PGPEP1L: variants seen among roughly 807,000 people sequenced by gnomAD.
PGPEP1L encodes pyroglutamyl-peptidase 1-like protein.
A neutral mutation model predicts 6.0 loss-of-function variants in PGPEP1L; 7 were observed. The ratio of observed to expected loss-of-function variants is 1.17; its 90% CI spans 0.66 to 2.19. PGPEP1L has a LOEUF of 2.19. Ranked by LOEUF, PGPEP1L falls within the 30% of genes most tolerant of loss-of-function variation. The probability of loss-of-function intolerance (pLI) is 0.00; values close to 1 mark genes in which losing one functional copy is unlikely to be tolerated. For missense variants in PGPEP1L, 209 were observed against 192.5 expected (o/e 1.09, Z -0.51); for synonymous variants, 103 against 83.9 (o/e 1.23, Z -1.24).
chr15:98,971,481 T>A (rs979293271), intron 2 of PGPEP1L, among the ~76,000 whole-genome samples: 2 of 151,812 alleles, frequency 1.3e-5, no homozygotes, highest in East Asian at 1.9e-4. Context: ...GTGACAGAGC[T>A]AGACTCTGTT....
At chr15:98,978,155 C>A (rs531007330) in intron 2 of PGPEP1L, among the ~76,000 whole-genome samples, 1 of 152,198 alleles carries the variant, frequency 6.6e-6, no homozygotes, top group African/African-American at 2.4e-5. Flanking sequence ...GTTCATTAGT[C>A]CCTGTCTAGA....
At chr15:99,002,137 G>A (rs137973352) in intron 2 of PGPEP1L, among the ~76,000 whole-genome samples, 1 of 151,934 alleles carries the variant, frequency 6.6e-6, no homozygotes, top group African/African-American at 2.4e-5. Flanking sequence ...TCAGCCTCCC[G>A]AGTAGCTGGG....
chr15:98,987,801 G>A (rs2017768148), intron 2 of PGPEP1L, among the ~76,000 whole-genome samples: 1 of 152,116 alleles, frequency 6.6e-6, no homozygotes, highest in Admixed American at 6.5e-5. Flanking sequence ...ATCTCATTGG[G>A]ACTGGCTGGA....
At chr15:99,004,567 A>G (rs2018020718) in intron 2 of PGPEP1L, among the ~76,000 whole-genome samples, 1 of 151,768 alleles carries the variant, frequency 6.6e-6, no homozygotes, top group South Asian at 2.1e-4. Context: ...AAAATACAAA[A>G]ATTAGCTGGG....
intron 2 of PGPEP1L, among the ~76,000 whole-genome samples, chr15:99,000,153 AG>A (rs782647270): frequency 1.1e-4 from 16 of 152,346 alleles, no homozygotes; most frequent in Non-Finnish European, 1.9e-4. Flanking sequence ...GTGGCCGGCC[AG>A]CCCCGCCGGC....
intron 2 of PGPEP1L, among the ~76,000 whole-genome samples, chr15:99,003,648 G>A (rs2018006455): frequency 6.6e-6 from 1 of 151,394 alleles, no homozygotes. Flanking sequence ...TGAAGAGACT[G>A]CCCCTGGCAG....
intron 2 of PGPEP1L, chr15:99,001,342 C>T (rs1415569590): frequency 1.3e-5 from 3 of 224,302 alleles, no homozygotes; most frequent in Non-Finnish European, 2.8e-5. Context: ...TATGAAATGT[C>T]AGAAGAGGCA....
chr15:98,986,163 G>A (rs985878340), intron 2 of PGPEP1L, among the ~76,000 whole-genome samples: 1 of 152,178 alleles, frequency 6.6e-6, no homozygotes, highest in Non-Finnish European at 1.5e-5. Flanking sequence ...CCTAGTTCCA[G>A]GCACAGAGCT....
At chr15:99,000,805 A>AG (rs1302275368) in intron 2 of PGPEP1L, among the ~76,000 whole-genome samples, 12 of 152,172 alleles carry the variant, frequency 7.9e-5, no homozygotes, top group East Asian at 3.9e-4. Flanking sequence ...GCCAGATAAG[A>AG]GAAAAAAAAG....
chr15:99,000,528 G>A (rs1337815046), intron 2 of PGPEP1L, among the ~76,000 whole-genome samples: 3 of 152,168 alleles, frequency 2.0e-5, no homozygotes, highest in Admixed American at 1.3e-4. Context: ...ACACCAATCG[G>A]CACTCTGTAT....
intron 3 of PGPEP1L, 101 bp downstream of exon 3, chr15:98,970,935 G>A: frequency 6.6e-7 from 1 of 1,518,214 alleles, no homozygotes; most frequent in Non-Finnish European, 8.9e-7. Context: ...TGGGGACGGG[G>A]TGCCCCTCAA....
intron 1 of PGPEP1L, among the ~76,000 whole-genome samples, chr15:99,006,849 C>T (rs528962848): frequency 4.2e-4 from 64 of 152,152 alleles, no homozygotes; most frequent in African/African-American, 1.3e-3. Context: ...TTTCCTGAAG[C>T]TGTATATTAA....
intron 2 of PGPEP1L, among the ~76,000 whole-genome samples, chr15:98,991,512 C>A (rs934329282): frequency 6.6e-6 from 1 of 152,106 alleles, no homozygotes; most frequent in Non-Finnish European, 1.5e-5. Context: ...GATTCATGGC[C>A]GAATTCTACT....
rs575581577 is a variant in PGPEP1L, at chr15:98,984,260, G to A, written c.-141-13102C>T. Among the ~76,000 whole-genome samples the A allele has an allele frequency of 1.5e-3, 235 of 152,182 alleles. 3 individuals carry two copies. The highest frequency in any genetic ancestry group is 2.3e-3 in the Non-Finnish European group (155 of 67,982). On this transcript the variant is annotated intron_variant, in intron 2 of 4. Coordinates refer to ENST00000535714, the MANE Select transcript of PGPEP1L (RefSeq NM_001167902.2). ...CTCCTGACCTTGTGAACCACCCACC[G>A]TGGCCTCCCAAAGTGCTGGGATTAC... is the stretch of plus-strand genomic sequence containing the variant.
chr15:98,971,282 G>C, intron 2 of PGPEP1L, 124 bp from the exon 3 acceptor site: 1 of 1,307,826 alleles, frequency 7.6e-7, no homozygotes, highest in African/African-American at 1.5e-5. Flanking sequence ...CCTGGACTTT[G>C]CCCTCAAGGA....
At chr15:98,977,921 C>G (rs2017593653) in intron 2 of PGPEP1L, among the ~76,000 whole-genome samples, 3 of 152,280 alleles carry the variant, frequency 2.0e-5, no homozygotes, top group African/African-American at 7.2e-5. Context: ...ATGCTTAATA[C>G]CTAATTGCTA....
chr15:98,970,464 T>TTA (rs1485084570), intron 3 of PGPEP1L, among the ~76,000 whole-genome samples: 1 of 152,210 alleles, frequency 6.6e-6, no homozygotes, highest in Non-Finnish European at 1.5e-5. Flanking sequence ...CCCAAGTATG[T>TTA]TATCAAAACA....
chr15:98,987,702 C>G (rs2017766884), intron 2 of PGPEP1L, among the ~76,000 whole-genome samples: 1 of 152,122 alleles, frequency 6.6e-6, no homozygotes, highest in African/African-American at 2.4e-5. Flanking sequence ...TTGAAGATAG[C>G]CAAATAGGAG....
chr15:99,004,365 A>C (rs1330486639), intron 2 of PGPEP1L, among the ~76,000 whole-genome samples: 1 of 150,060 alleles, frequency 6.7e-6, no homozygotes, highest in Non-Finnish European at 1.5e-5. Flanking sequence ...GTTATGACTG[A>C]GCCACTGCAC....
Sources: allele counts gnomAD v4.1 joint callset (sites outside exome capture counted in the v4.1 genomes callset), GRCh38; gene constraint gnomAD v4.1.1; transcripts MANE v1.5; gene names NCBI Gene and HGNC (gene_info 2026-07-23, HGNC 2026-07-21).